EFNA5: variants seen among roughly 807,000 people sequenced by gnomAD.
The protein encoded by EFNA5 is ephrin A5.
A neutral mutation model predicts 22.9 loss-of-function variants in EFNA5; 5 were observed. That is an observed-to-expected ratio of 0.22 (90% CI 0.11 to 0.46). The LOEUF is 0.46. Among genes scored for constraint, EFNA5 ranks in the 20% least tolerant of loss-of-function variants. The pLI, the probability that EFNA5 is intolerant of heterozygous loss-of-function variation, is 0.99. For missense variants in EFNA5, 237 were observed against 293.3 expected (o/e 0.81, Z 1.40); for synonymous variants, 113 against 112.2 (o/e 1.01, Z -0.04).
chr5:107,623,684 T>G (rs1243800832), intron 1 of EFNA5, among the ~76,000 whole-genome samples: 3 of 151,516 alleles, frequency 2.0e-5, no homozygotes, highest in Non-Finnish European at 2.9e-5. Context: ...CAAAAACATT[T>G]TTTAAAAGAG....
intron 1 of EFNA5, among the ~76,000 whole-genome samples, chr5:107,504,888 AG>A (rs1747218538): frequency 6.6e-6 from 1 of 152,328 alleles, no homozygotes; most frequent in South Asian, 2.1e-4. Context: ...TAGCTATAAC[AG>A]AAAAACCTGT....
intron 1 of EFNA5, among the ~76,000 whole-genome samples, chr5:107,551,723 C>T (rs1328158258): frequency 2.0e-5 from 3 of 152,156 alleles, no homozygotes; most frequent in Admixed American, 6.5e-5. Flanking sequence ...TATTTTACCC[C>T]TCTTTGCAGT....
chr5:107,559,022 G>A (rs1748477889), intron 1 of EFNA5, among the ~76,000 whole-genome samples: 1 of 152,200 alleles, frequency 6.6e-6, no homozygotes, highest in African/African-American at 2.4e-5. Context: ...CAGCCAGATG[G>A]GCGCTTAGAT....
intron 1 of EFNA5, among the ~76,000 whole-genome samples, chr5:107,567,938 G>A (rs1017604434): frequency 2.0e-5 from 3 of 152,164 alleles, no homozygotes; most frequent in Non-Finnish European, 4.4e-5. Context: ...TGTCACCCAG[G>A]CTGAAGTACA....
At chr5:107,506,124 C>A (rs1365733537) in intron 1 of EFNA5, 1 of 152,374 alleles carries the variant, frequency 6.6e-6, no homozygotes, top group Non-Finnish European at 1.5e-5. Flanking sequence ...TGACTCCCAG[C>A]TTAGGACTCA....
In EFNA5 at chr5:107,460,869, T is replaced by A. The variant is rs149038102; in HGVS notation, c.126-33360A>T. On this transcript the variant is annotated intron_variant, in intron 1 of 4. Transcript: ENST00000333274. ...TTAAAACAAGGGAAAATAAGCTTGT[T>A]ATTAGCACCCCTCCCCTTTAGAAGA... 1.5e-3 allele frequency among the ~76,000 whole-genome samples: 230 copies of A among 152,290 alleles called. 1 individual carries two copies. Among genetic ancestry groups the A allele is most frequent in the African/African-American group, 4.0e-3 (168 of 41,572 alleles).
intron 1 of EFNA5, among the ~76,000 whole-genome samples, chr5:107,604,950 T>C (rs1039005217): frequency 6.6e-6 from 1 of 152,136 alleles, no homozygotes; most frequent in Non-Finnish European, 1.5e-5. Flanking sequence ...CTACAAATGG[T>C]TATCTCCTGC....
In EFNA5 at chr5:107,390,464, G is replaced by A. The variant is rs141786722; in HGVS notation, c.419-2693C>T. On this transcript the variant is annotated intron_variant, in intron 2 of 4. Transcript: ENST00000333274. Reference sequence around the variant, plus strand: ...AAAAACAAAACATAACAGAGGAATTGAAACATGTAACATTCCCACTAATAA... The same window carrying A: ...AAAAACAAAACATAACAGAGGAATTAAAACATGTAACATTCCCACTAATAA... 9.9e-5 allele frequency among the ~76,000 whole-genome samples: 15 copies of A among 152,248 alleles called. No homozygotes were observed. The East Asian group carries it at 2.9e-3, about 29-fold the overall frequency.
At chr5:107,388,939 A>G (rs924355165) in intron 2 of EFNA5, among the ~76,000 whole-genome samples, 1 of 152,188 alleles carries the variant, frequency 6.6e-6, no homozygotes, top group Non-Finnish European at 1.5e-5. Flanking sequence ...GAGAGGATTC[A>G]ATATACAAAC....
chr5:107,569,541 ATG>A (rs1300267077), intron 1 of EFNA5, among the ~76,000 whole-genome samples: 2 of 125,646 alleles, frequency 1.6e-5, no homozygotes, highest in African/African-American at 5.9e-5. Flanking sequence ...TTATATATAT[ATG>A]TGTGTATATA....
Position 107,380,598 on chromosome 5 carries a change from C to G in EFNA5, c.*657G>C. ...CCTCCTAGAAAAAAAAAAAAGGCTT[C>G]TTTTAGAGAGCACAAGTTTTGCTGT... On this transcript the variant is annotated 3_prime_UTR_variant, in exon 5 of 5. Coordinates refer to ENST00000333274, the MANE Select transcript of EFNA5 (RefSeq NM_001962.3). The G allele has an allele frequency of 2.8e-6, 1 of 357,480 alleles. No individual in the cohort carries two copies. The highest frequency in any genetic ancestry group is 5.0e-6 in the Non-Finnish European group (1 of 201,734). The allele number at this position is 357,480 out of a possible 1,614,324, so 22.1% of individuals were successfully genotyped here.
chr5:107,510,648 T>C (rs1747349860), intron 1 of EFNA5, among the ~76,000 whole-genome samples: 1 of 152,192 alleles, frequency 6.6e-6, no homozygotes, highest in African/African-American at 2.4e-5. Context: ...GTACGTTTTC[T>C]TGAATATATG....
chr5:107,632,009 C>G (rs951372803), intron 1 of EFNA5, among the ~76,000 whole-genome samples: 1 of 151,964 alleles, frequency 6.6e-6, no homozygotes, highest in African/African-American at 2.4e-5. Context: ...GGCCACACTT[C>G]ACAGCCTTCC....
intron 2 of EFNA5, 124 bp downstream of exon 2, chr5:107,427,093 C>T (rs1281716451): frequency 6.0e-6 from 6 of 999,374 alleles, no homozygotes; most frequent in Middle Eastern, 2.1e-4. Flanking sequence ...TCCTGATGTA[C>T]GCATTTACAA....
In EFNA5 at chr5:107,570,278, T is replaced by C. The variant is rs530979653; in HGVS notation, c.125+100211A>G. Among the ~76,000 whole-genome samples the C allele has an allele frequency of 3.1e-4, 47 of 152,340 alleles. No individual in the cohort carries two copies. The South Asian group carries it at 8.9e-3, about 29-fold the overall frequency. Reference sequence around the variant, plus strand: ...ACCCATTGCATGTAATTAGCCTTGATTAATATCCCACATTTCACATCAACA... The same window carrying C: ...ACCCATTGCATGTAATTAGCCTTGACTAATATCCCACATTTCACATCAACA... On this transcript the variant is annotated intron_variant, in intron 1 of 4. Coordinates refer to ENST00000333274, the MANE Select transcript of EFNA5 (RefSeq NM_001962.3).
intron 1 of EFNA5, among the ~76,000 whole-genome samples, chr5:107,651,102 C>T (rs1365429525): frequency 1.3e-5 from 2 of 152,174 alleles, no homozygotes; most frequent in Non-Finnish European, 2.9e-5. Flanking sequence ...CCAAGGTCAC[C>T]CTTCAACATT....
At chr5:107,411,970 G>A (rs1282325070) in intron 2 of EFNA5, among the ~76,000 whole-genome samples, 1 of 152,112 alleles carries the variant, frequency 6.6e-6, no homozygotes, top group African/African-American at 2.4e-5. Context: ...GCAAATGGAT[G>A]GGGTATTATC....
chr5:107,568,506 C>A (rs1358312801), intron 1 of EFNA5, among the ~76,000 whole-genome samples: 1 of 152,116 alleles, frequency 6.6e-6, no homozygotes, highest in Non-Finnish European at 1.5e-5. Context: ...CTTGAGTGAT[C>A]AAACAAAGGG....
At chr5:107,590,439 G>A (rs1264132175) in intron 1 of EFNA5, among the ~76,000 whole-genome samples, 1 of 151,794 alleles carries the variant, frequency 6.6e-6, no homozygotes, top group Admixed American at 6.6e-5. Context: ...ACCCAGGCTG[G>A]AGTGCCGTGG....
Sources: gnomAD v4.1 joint callset for allele counts (sites outside exome capture counted in the v4.1 genomes callset) on GRCh38, gnomAD v4.1.1 for gene constraint, MANE v1.5 for transcripts, NCBI Gene and HGNC (gene_info 2026-07-23, HGNC 2026-07-21) for gene names.